The following GABBR2 variants were observed in gnomAD, a reference collection of about 807,000 sequenced individuals.
GABBR2 encodes gamma-aminobutyric acid type B receptor subunit 2, also known as G-protein coupled receptor 51.
GABBR2 carries 23 observed loss-of-function variants against 105.6 expected under a neutral mutation model. That is an observed-to-expected ratio of 0.22 (90% CI 0.16 to 0.31). The LOEUF is 0.31. GABBR2 is among the 10% of genes least tolerant of loss of function. The probability of loss-of-function intolerance (pLI) is 1.00; values close to 1 mark genes in which losing one functional copy is unlikely to be tolerated. For synonymous variants in GABBR2, 478 were observed against 499.7 expected, an observed-to-expected ratio of 0.96 and a Z score of 0.58; for missense variants, 734 against 1,245.5, an observed-to-expected ratio of 0.59 and a Z score of 6.18.
intron 7 of GABBR2, among the ~76,000 whole-genome samples, chr9:98,430,862 C>G (rs921403622): frequency 6.6e-6 from 1 of 152,016 alleles, no homozygotes; most frequent in Non-Finnish European, 1.5e-5. Flanking sequence ...TTGTGCTCCT[C>G]CTCTCAGGGG....
chr9:98,608,430 T>A (rs1360328795), intron 1 of GABBR2, among the ~76,000 whole-genome samples: 1 of 152,198 alleles, frequency 6.6e-6, no homozygotes, highest in Non-Finnish European at 1.5e-5. Flanking sequence ...TGTTGTATAA[T>A]CATGTTCTGA....
At chr9:98,536,612 G>T (rs1173893968) in intron 3 of GABBR2, among the ~76,000 whole-genome samples, 2 of 152,038 alleles carry the variant, frequency 1.3e-5, no homozygotes, top group East Asian at 3.9e-4. Context: ...TGGCCTCTCA[G>T]CTCCTTGCCC....
chr9:98,467,912 A>G (rs1428261476), intron 6 of GABBR2, among the ~76,000 whole-genome samples: 1 of 152,256 alleles, frequency 6.6e-6, no homozygotes, highest in Non-Finnish European at 1.5e-5. Context: ...TCAAGCCAGA[A>G]TTATAAATGC....
At chr9:98,461,920 C>T (rs745306070) in intron 6 of GABBR2, among the ~76,000 whole-genome samples, 9 of 152,170 alleles carry the variant, frequency 5.9e-5, no homozygotes, top group Admixed American at 1.3e-4. Context: ...ATGAACTCAG[C>T]GTGAGAACTC....
intron 1 of GABBR2, among the ~76,000 whole-genome samples, chr9:98,672,132 G>A (rs1001306186): frequency 6.6e-6 from 1 of 151,838 alleles, no homozygotes; most frequent in Admixed American, 6.6e-5. Context: ...ATGCACATTC[G>A]CAATGTTGTG....
At chr9:98,292,504 G>A (rs2131334259) in intron 18 of GABBR2, among the ~76,000 whole-genome samples, 1 of 152,192 alleles carries the variant, frequency 6.6e-6, no homozygotes, top group East Asian at 1.9e-4. Flanking sequence ...ACGAAGTGCT[G>A]CCCACACTTT....
chr9:98,583,811 T>C (rs773098462), intron 1 of GABBR2, among the ~76,000 whole-genome samples: 6 of 152,224 alleles, frequency 3.9e-5, no homozygotes, highest in Non-Finnish European at 8.8e-5. Context: ...GTCAATGTTA[T>C]GCGTATTTCA....
chr9:98,637,708 CTGGAAAAGGCAAGAAAAA>C (rs1829899271), intron 1 of GABBR2, among the ~76,000 whole-genome samples: 1 of 152,056 alleles, frequency 6.6e-6, no homozygotes, highest in Non-Finnish European at 1.5e-5. Context: ...CTTCTAGAAG[CTGGAAAAGGCAAGAAAAA>C]AGATTGTCCC....
At chr9:98,322,671 C>T (rs1486603912) in intron 13 of GABBR2, among the ~76,000 whole-genome samples, 3 of 151,214 alleles carry the variant, frequency 2.0e-5, no homozygotes, top group African/African-American at 7.3e-5. Context: ...TCCATCATCT[C>T]TCCTCCTATG....
chr9:98,694,279 C>T (rs2131880918), intron 1 of GABBR2, among the ~76,000 whole-genome samples: 1 of 152,346 alleles, frequency 6.6e-6, no homozygotes, highest in East Asian at 1.9e-4. Flanking sequence ...CAAATTGATG[C>T]TTACAGAAGA....
chr9:98,574,304 C>T (rs538613955), intron 2 of GABBR2, among the ~76,000 whole-genome samples: 17 of 152,368 alleles, frequency 1.1e-4, no homozygotes, highest in African/African-American at 3.8e-4. Flanking sequence ...TTATAGTATG[C>T]AATTTCCAAA....
At chr9:98,357,017 C>T (rs890418097) in intron 13 of GABBR2, among the ~76,000 whole-genome samples, 4 of 152,144 alleles carry the variant, frequency 2.6e-5, no homozygotes, top group East Asian at 3.8e-4. Flanking sequence ...ACTATGGATC[C>T]GTGGTTGTCA....
intron 2 of GABBR2, among the ~76,000 whole-genome samples, chr9:98,561,075 A>G (rs1828667357): frequency 6.6e-6 from 1 of 151,990 alleles, no homozygotes; most frequent in African/African-American, 2.4e-5. Context: ...GTCAATATTC[A>G]CGCCTTGCTT....
rs568017327 is a variant in GABBR2 at position 98,459,452 on chromosome 9, T to C, written c.1000-5235A>G. On this transcript the variant is annotated intron_variant, in intron 6 of 18. Transcript: ENST00000259455. ...AGGCTAGTCACAGAAACAGAAAGCA[T>C]TGGATCAGAGTTTTCAGCAGTCCCT... Among the ~76,000 whole-genome samples the C allele has an allele frequency of 4.6e-5, 7 of 152,278 alleles. No homozygotes were observed. In the South Asian group the frequency reaches 6.2e-4, roughly 14 times the overall value.
chr9:98,690,470 G>C lies in GABBR2; in HGVS notation c.321+17947C>G, dbSNP rs577927387. ...TATCAGTGATTGTGAGAAAACCACT[G>C]TATTGCTCTGTTCAGAATCTCTTTC... On this transcript the variant is annotated intron_variant, in intron 1 of 18. Coordinates refer to ENST00000259455, the MANE Select transcript of GABBR2 (RefSeq NM_005458.8). Among the ~76,000 whole-genome samples the C allele has an allele frequency of 2.0e-5, 3 of 152,304 alleles. No individual in the cohort carries two copies. The East Asian group carries it at 5.8e-4, about 29-fold the overall frequency.
intron 13 of GABBR2, among the ~76,000 whole-genome samples, chr9:98,347,047 C>T (rs1305214040): frequency 6.6e-6 from 1 of 152,128 alleles, no homozygotes; most frequent in African/African-American, 2.4e-5. Flanking sequence ...TATAGGGGTG[C>T]AAGTATCCTT....
intron 2 of GABBR2, among the ~76,000 whole-genome samples, chr9:98,566,538 G>A (rs1041617780): frequency 2.0e-5 from 3 of 152,018 alleles, no homozygotes; most frequent in Non-Finnish European, 2.9e-5. Flanking sequence ...AGCCAGGCAC[G>A]GTGGCGGGCA....
At chr9:98,395,262 G>C (rs1027784252) in intron 8 of GABBR2, among the ~76,000 whole-genome samples, 15 of 152,178 alleles carry the variant, frequency 9.9e-5, no homozygotes, top group Admixed American at 9.8e-4. Flanking sequence ...GGGATGAGGA[G>C]TTTCAGTTCC....
At position 98,548,476 on chromosome 9, in the gene GABBR2, G is replaced by A. The variant is rs1175697586; in HGVS notation, c.460-6433C>T. Among the ~76,000 whole-genome samples, 2 of 114,526 alleles carry A rather than the reference G, an allele frequency of 1.7e-5. 1 individual carries two copies. Among genetic ancestry groups the A allele is most frequent in the East Asian group, 7.5e-4 (2 of 2,666 alleles). The allele number at this position is 114,526 out of a possible 152,430, so 75.1% of individuals were successfully genotyped here. A position where few individuals can be genotyped will look rare whatever the true frequency, so the allele number is the denominator to read the frequency against. ...TTCTTTCCTGCCTAAAAAATTTCATGTGGGAAGTCTCTGCTTCCCAGAATG... is the reference window on the plus strand; with the variant it reads ...TTCTTTCCTGCCTAAAAAATTTCATATGGGAAGTCTCTGCTTCCCAGAATG... On this transcript the variant is annotated intron_variant, in intron 2 of 18. Transcript: ENST00000259455.
Sources: gnomAD v4.1 joint callset for allele counts (sites outside exome capture counted in the v4.1 genomes callset) on GRCh38, gnomAD v4.1.1 for gene constraint, MANE v1.5 for transcripts, NCBI Gene and HGNC (gene_info 2026-07-23, HGNC 2026-07-21) for gene names.